Variants in JAK2 observed in about 807,000 individuals in gnomAD.
JAK2 encodes Janus kinase 2, also known as tyrosine-protein kinase JAK2.
JAK2 carries 86 observed loss-of-function variants against 139.3 expected under a neutral mutation model. The observed-to-expected ratio is 0.62, with a 90% confidence interval of 0.52 to 0.74. The LOEUF (loss-of-function observed/expected upper bound fraction) is 0.74, where lower values mean the gene tolerates loss of function less well. Among genes scored for constraint, JAK2 ranks in the 30% least tolerant of loss-of-function variants. The probability of loss-of-function intolerance (pLI) is 0.00; values close to 1 mark genes in which losing one functional copy is unlikely to be tolerated. For missense variants in JAK2, 1,421 were observed against 1,360.3 expected (o/e 1.04, Z -0.70); for synonymous variants, 490 against 437.7 (o/e 1.12, Z -1.49).
chr9:5,069,935 C>A lies in JAK2; in HGVS notation c.1524C>A (p.Asn508Lys). 6.3e-7 allele frequency: 1 copy of A among 1,595,128 alleles called. No homozygotes were observed. Among genetic ancestry groups the A allele is most frequent in the South Asian group, 1.1e-5 (1 of 88,634 alleles). ...CCPPKPKDKS[N>K]LLVFRTNGVS... ...ATTTTATTTTTTCAGATAAATCAAA[C>A]CTTCTAGTCTTCAGAACGAATGGTG... The change falls in exon 12 of 25, where the codon AAC becomes AAA. Residue 508 changes from asparagine to lysine, a missense_variant. By Grantham distance (94) the Asn-to-Lys change is moderately conservative (BLOSUM62 0). Coordinates refer to ENST00000381652, the MANE Select transcript of JAK2 (RefSeq NM_004972.4).
At chr9:5,050,121 G>A (rs1478230566) in intron 5 of JAK2, among the ~76,000 whole-genome samples, 1 of 152,032 alleles carries the variant, frequency 6.6e-6, no homozygotes, top group Non-Finnish European at 1.5e-5. Flanking sequence ...TTTAATTTAG[G>A]TAATTTTTAT....
chr9:5,070,281 A>G (rs1050442258), intron 12 of JAK2, among the ~76,000 whole-genome samples: 9 of 152,176 alleles, frequency 5.9e-5, no homozygotes, highest in African/African-American at 2.2e-4. Context: ...GAAATTTAAA[A>G]ATGATTCTTC....
At chr9:5,072,051 C>T (rs559394835) in intron 12 of JAK2, among the ~76,000 whole-genome samples, 10 of 152,118 alleles carry the variant, frequency 6.6e-5, no homozygotes, top group South Asian at 2.1e-4. Flanking sequence ...GAAGAAACCA[C>T]GACAGCTGCA....
intron 2 of JAK2, among the ~76,000 whole-genome samples, chr9:4,990,968 C>T (rs1050644239): frequency 2.0e-5 from 3 of 152,222 alleles, no homozygotes; most frequent in Non-Finnish European, 2.9e-5. Flanking sequence ...TCGTCTGTAT[C>T]GTCTTATATA....
Position 5,127,269 on chromosome 9 carries a change from A to G in JAK2, c.*478A>G, listed in dbSNP as rs1824061051. 1 of 232,542 alleles carries G rather than the reference A, an allele frequency of 4.3e-6. No individual in the cohort carries two copies. Among genetic ancestry groups the G allele is most frequent in the Non-Finnish European group, 8.5e-6 (1 of 117,230 alleles). 14.4% of individuals were successfully genotyped at this position (232,542 alleles called of 1,614,324 possible). A position where few individuals can be genotyped will look rare whatever the true frequency, so the allele number is the denominator to read the frequency against. On this transcript the variant is annotated 3_prime_UTR_variant, in exon 25 of 25. Transcript: ENST00000381652. ...TTTCTAATTTTTCCATAGTTAATCT[A>G]TAATTAATTACTTCACTATACAAAC... is the stretch of plus-strand genomic sequence containing the variant.
chr9:5,054,976 G>C lies in JAK2; in HGVS notation c.936+92G>C. The C allele has an allele frequency of 1.1e-6, 1 of 887,266 alleles. No individual in the cohort carries two copies. The highest frequency in any genetic ancestry group is 1.7e-6 in the Non-Finnish European group (1 of 592,160). The allele number at this position is 887,266 out of a possible 1,614,324, so 55.0% of individuals were successfully genotyped here. A position where few individuals can be genotyped will look rare whatever the true frequency, so the allele number is the denominator to read the frequency against. On this transcript the variant is annotated intron_variant, in intron 7 of 24. Coordinates refer to ENST00000381652, the MANE Select transcript of JAK2 (RefSeq NM_004972.4). The surrounding 1 kb of genome is among the most constrained non-coding windows in gnomAD (Gnocchi z 4.9). Reference sequence around the variant, plus strand: ...TTTTAATCATTTGCAACATGGTATTGCACTTCTCCCATTTGATAGAAGTGG... The same window carrying C: ...TTTTAATCATTTGCAACATGGTATTCCACTTCTCCCATTTGATAGAAGTGG...
At chr9:5,116,945 A>G (rs574066536) in intron 22 of JAK2, among the ~76,000 whole-genome samples, 1 of 152,368 alleles carries the variant, frequency 6.6e-6, no homozygotes, top group Non-Finnish European at 1.5e-5. Flanking sequence ...AGATTTATGT[A>G]AGATAACTAA....
intron 13 of JAK2, among the ~76,000 whole-genome samples, chr9:5,073,080 C>G (rs1819078639): frequency 2.0e-5 from 3 of 152,278 alleles, no homozygotes; most frequent in South Asian, 4.1e-4. Flanking sequence ...TGCCAGAGCT[C>G]TGAACATAGC....
chr9:5,072,549 G>T lies in JAK2; in HGVS notation c.1699G>T (p.Val567Leu). The T allele has an allele frequency of 1.9e-6, 3 of 1,610,474 alleles. No homozygotes were observed. Among genetic ancestry groups the T allele is most frequent in the South Asian group, 1.1e-5 (1 of 90,556 alleles). The change falls in exon 13 of 25, where the codon GTA (valine) becomes TTA (leucine). Residue 567 changes from valine (V) to leucine (L), a missense_variant. Val to Leu is a conservative substitution (Grantham distance 32). Coordinates refer to ENST00000381652, the MANE Select transcript of JAK2 (RefSeq NM_004972.4). Reference sequence around the variant, plus strand: ...GATTTTTAAAGGCGTACGAAGAGAAGTAGGAGACTACGGTCAACTGCATGA... The same window carrying T: ...GATTTTTAAAGGCGTACGAAGAGAATTAGGAGACTACGGTCAACTGCATGA... ...TKIFKGVRRE[V>L]GDYGQLHETE...
intron 2 of JAK2, among the ~76,000 whole-genome samples, chr9:5,020,735 G>T (rs1304740406): frequency 6.6e-6 from 1 of 152,188 alleles, no homozygotes; most frequent in Non-Finnish European, 1.5e-5. Context: ...CAGCCCTTCT[G>T]CTGGGAGCAG....
chr9:5,077,601 A>T lies in JAK2; in HGVS notation c.1992+21A>T, dbSNP rs199520927. 89 of 1,418,916 alleles carry T rather than the reference A, an allele frequency of 6.3e-5. 2 individuals are homozygous for T. In the East Asian group the frequency reaches 2.3e-3, roughly 37 times the overall value. The allele number at this position is 1,418,916 out of a possible 1,614,324, so 87.9% of individuals were successfully genotyped here. A position where few individuals can be genotyped will look rare whatever the true frequency, so the allele number is the denominator to read the frequency against. On this transcript the variant is annotated intron_variant, in intron 15 of 24. Transcript: ENST00000381652. ...TTCTAGTAAGTAGTACAACCTTTTT[A>T]TCAAAAGATACTATTTTATTTTATA...
intron 6 of JAK2, among the ~76,000 whole-genome samples, chr9:5,051,365 A>C (rs1422469154): frequency 6.6e-6 from 1 of 152,178 alleles, no homozygotes; most frequent in Admixed American, 6.5e-5. Flanking sequence ...CCAGTTGGCT[A>C]TATAAATGAC....
chr9:5,038,995 A>G (rs1428100384), intron 4 of JAK2, among the ~76,000 whole-genome samples: 1 of 152,132 alleles, frequency 6.6e-6, no homozygotes, highest in Non-Finnish European at 1.5e-5. Context: ...TAGGAATGGC[A>G]AGGAACTTCC....
At chr9:5,095,303 G>C (rs892181289) in intron 22 of JAK2, among the ~76,000 whole-genome samples, 5 of 151,946 alleles carry the variant, frequency 3.3e-5, no homozygotes, top group Non-Finnish European at 7.4e-5. Flanking sequence ...CGCTCACACT[G>C]ATTTCTTATC....
At chr9:5,093,035 C>T (rs1477520614) in intron 22 of JAK2, among the ~76,000 whole-genome samples, 2 of 152,100 alleles carry the variant, frequency 1.3e-5, no homozygotes, top group Non-Finnish European at 1.5e-5. Flanking sequence ...AATCACTCTA[C>T]GGAACTCCTA....
rs1287830011 is a variant in JAK2, at chr9:5,127,763, A to C, written c.*972A>C. 1 of 232,586 alleles carries C rather than the reference A, an allele frequency of 4.3e-6. No individual in the cohort carries two copies. Among genetic ancestry groups the C allele is most frequent in the African/African-American group, 2.2e-5 (1 of 45,284 alleles). 14.4% of individuals were successfully genotyped at this position (232,586 alleles called of 1,614,324 possible). ...AGATTAGATTGTTTTTTAAAAATGG[A>C]TAGCTCATTAAGAAGTGCAGCAGGT... On this transcript the variant is annotated 3_prime_UTR_variant, in exon 25 of 25. Coordinates refer to ENST00000381652, the MANE Select transcript of JAK2 (RefSeq NM_004972.4).
In JAK2 at chr9:5,016,401, G is replaced by A. The variant is rs1009502496; in HGVS notation, c.-25-5562G>A. ...GAGGGACACCACAGACTGTGTATGTGTGTGTGTTGAGGGCAAGGTGAGGTG... is the reference window on the plus strand; with the variant it reads ...GAGGGACACCACAGACTGTGTATGTATGTGTGTTGAGGGCAAGGTGAGGTG... On this transcript the variant is annotated intron_variant, in intron 2 of 24. Coordinates refer to ENST00000381652, the MANE Select transcript of JAK2 (RefSeq NM_004972.4). Among the ~76,000 whole-genome samples the A allele has an allele frequency of 3.9e-5, 6 of 152,256 alleles. No individual in the cohort carries two copies. The South Asian group carries it at 1.2e-3, about 32-fold the overall frequency.
At chr9:5,048,380 A>C (rs1817178046) in intron 5 of JAK2, among the ~76,000 whole-genome samples, 1 of 152,092 alleles carries the variant, frequency 6.6e-6, no homozygotes, top group African/African-American at 2.4e-5. Context: ...TGACCTTGTC[A>C]TCTGCCTGCC....
intron 2 of JAK2, among the ~76,000 whole-genome samples, chr9:4,997,055 A>G (rs776761772): frequency 4.7e-5 from 7 of 149,270 alleles, no homozygotes; most frequent in Non-Finnish European, 1.0e-4. Context: ...CAGCCTCCTG[A>G]GTAGCTGGCA....
Sources: allele counts gnomAD v4.1 joint callset (sites outside exome capture counted in the v4.1 genomes callset), GRCh38; gene constraint gnomAD v4.1.1; non-coding constraint Gnocchi (gnomAD v3.1); transcripts MANE v1.5; gene names NCBI Gene and HGNC (gene_info 2026-07-23, HGNC 2026-07-21).